CNTNAP2: variants seen among roughly 807,000 people sequenced by gnomAD.
CNTNAP2 encodes the protein contactin-associated protein-like 2.
Under a neutral mutation model 155.2 loss-of-function variants are expected in CNTNAP2, and 98 were observed. The ratio of observed to expected loss-of-function variants is 0.63; its 90% CI spans 0.54 to 0.75. The LOEUF is 0.75. Among genes scored for constraint, CNTNAP2 ranks in the 30% least tolerant of loss-of-function variants. The pLI is 0.00. For synonymous variants in CNTNAP2, 651 were observed against 631.2 expected, an observed-to-expected ratio of 1.03 and a Z score of -0.47; for missense variants, 1,727 against 1,688.1, an observed-to-expected ratio of 1.02 and a Z score of -0.40.
At chr7:146,831,915 C>G (rs1224658598) in intron 2 of CNTNAP2, among the ~76,000 whole-genome samples, 1 of 151,958 alleles carries the variant, frequency 6.6e-6, no homozygotes, top group Non-Finnish European at 1.5e-5. Context: ...AGCTTTCAAG[C>G]TCTTTTGTTT....
At chr7:147,854,608 C>G (rs1301871014) in intron 13 of CNTNAP2, among the ~76,000 whole-genome samples, 2 of 152,224 alleles carry the variant, frequency 1.3e-5, no homozygotes, top group Admixed American at 6.5e-5. Context: ...ATAGTGCAGT[C>G]TAGCCCTGCA....
At chr7:148,320,438 C>A (rs1384628545) in intron 21 of CNTNAP2, among the ~76,000 whole-genome samples, 1 of 127,132 alleles carries the variant, frequency 7.9e-6, no homozygotes, top group Non-Finnish European at 1.6e-5. Flanking sequence ...GGTTGGAGTG[C>A]AGTGGCTCAA....
chr7:146,322,095 C>A (rs1208950835), intron 1 of CNTNAP2, among the ~76,000 whole-genome samples: 2 of 152,084 alleles, frequency 1.3e-5, no homozygotes, highest in African/African-American at 2.4e-5. Flanking sequence ...GCTGTAAGGA[C>A]AAAGGGATCT....
At chr7:146,827,779 C>A (rs1169334418) in intron 2 of CNTNAP2, among the ~76,000 whole-genome samples, 2 of 152,002 alleles carry the variant, frequency 1.3e-5, no homozygotes, top group African/African-American at 4.8e-5. Context: ...ATCTTGATTT[C>A]AATTAGAAAT....
At chr7:147,874,289 G>A (rs1799384693) in intron 13 of CNTNAP2, among the ~76,000 whole-genome samples, 1 of 152,210 alleles carries the variant, frequency 6.6e-6, no homozygotes, top group Non-Finnish European at 1.5e-5. Context: ...TTCTCCATGA[G>A]GGGCCTGTGC....
chr7:147,871,325 G>A (rs17170712), intron 13 of CNTNAP2, among the ~76,000 whole-genome samples: 5,914 of 152,268 alleles, frequency 0.039, 366 homozygotes, highest in African/African-American at 0.14. Flanking sequence ...AAGTCTGTCT[G>A]ACCTGAAGGC....
At chr7:147,630,851 C>T (rs1795075665) in intron 12 of CNTNAP2, among the ~76,000 whole-genome samples, 1 of 152,078 alleles carries the variant, frequency 6.6e-6, no homozygotes, top group South Asian at 2.1e-4. Flanking sequence ...CTATGACAAA[C>T]CCACAGCCAA....
chr7:146,931,882 T>A (rs1456159419), intron 3 of CNTNAP2, among the ~76,000 whole-genome samples: 7 of 151,940 alleles, frequency 4.6e-5, no homozygotes, highest in African/African-American at 1.7e-4. Context: ...CCAAGACTAA[T>A]CCAGGAAGAA....
chr7:146,327,510 CAAATG>C (rs888832457), intron 1 of CNTNAP2, among the ~76,000 whole-genome samples: 21 of 152,134 alleles, frequency 1.4e-4, no homozygotes, highest in Non-Finnish European at 1.8e-4. Context: ...TGAAATACTA[CAAATG>C]AAATTAAAAT....
chr7:146,641,148 A>G (rs1289623640), intron 1 of CNTNAP2, among the ~76,000 whole-genome samples: 1 of 152,110 alleles, frequency 6.6e-6, no homozygotes, highest in Non-Finnish European at 1.5e-5. Context: ...AACACTGTGA[A>G]ACCCCGTCTT....
At chr7:146,708,232 C>T (rs1406345343) in intron 1 of CNTNAP2, among the ~76,000 whole-genome samples, 1 of 152,088 alleles carries the variant, frequency 6.6e-6, no homozygotes, top group Non-Finnish European at 1.5e-5. Context: ...TTGCTGGGCT[C>T]TGCTTGCAGT....
intron 4 of CNTNAP2, among the ~76,000 whole-genome samples, chr7:147,061,459 G>A (rs907551766): frequency 4.7e-5 from 7 of 150,222 alleles, no homozygotes; most frequent in Non-Finnish European, 8.8e-5. Flanking sequence ...CTTCCATCTT[G>A]CTGTTCTTTC....
At chr7:147,468,854 C>T (rs74458951) in intron 10 of CNTNAP2, among the ~76,000 whole-genome samples, 58 of 144,722 alleles carry the variant, frequency 4.0e-4, no homozygotes, top group African/African-American at 1.1e-3. Context: ...TTTTTTTTTT[C>T]CCCCCAGACA....
rs186406099 is a variant in CNTNAP2 at position 148,348,483 on chromosome 7, A to G, written c.3476-35166A>G. Among the ~76,000 whole-genome samples, 361 of 152,346 alleles carry G rather than the reference A, an allele frequency of 2.4e-3. 1 individual carries two copies. The highest frequency in any genetic ancestry group is 8.1e-3 in the African/African-American group (338 of 41,580). ...TCCAGTCTACCTTGGGCAACTTAAC[A>G]TAAATATGGAAAATATAGTTTGTGT... is the stretch of plus-strand genomic sequence containing the variant. On this transcript the variant is annotated intron_variant, in intron 21 of 23. Transcript: ENST00000361727.
intron 3 of CNTNAP2, among the ~76,000 whole-genome samples, chr7:146,905,438 G>A (rs1225701656): frequency 6.6e-6 from 1 of 152,154 alleles, no homozygotes; most frequent in Non-Finnish European, 1.5e-5. Context: ...CTATTTGGAA[G>A]GACTTCCCCT....
rs547124763 is a variant in CNTNAP2 at position 147,535,694 on chromosome 7, A to T, written c.1778-26444A>T. On this transcript the variant is annotated intron_variant, in intron 11 of 23. Transcript: ENST00000361727. ...TGGCTCCTCGGTGTCTCTGTGTAGG[A>T]CTTTCTCCCCACTCAGGCCAAGCTT... Among the ~76,000 whole-genome samples the T allele has an allele frequency of 3.9e-5, 6 of 152,184 alleles. No individual in the cohort carries two copies. In the South Asian group the frequency reaches 1.2e-3, roughly 32 times the overall value.
chr7:146,249,161 A>G (rs999904665), intron 1 of CNTNAP2, among the ~76,000 whole-genome samples: 11 of 152,152 alleles, frequency 7.2e-5, no homozygotes, highest in African/African-American at 2.7e-4. Context: ...GGAACCGGCC[A>G]TCTGGATGTG....
At chr7:148,187,390 G>A (rs371552629) in intron 18 of CNTNAP2, among the ~76,000 whole-genome samples, 18 of 152,170 alleles carry the variant, frequency 1.2e-4, no homozygotes, top group African/African-American at 4.3e-4. Context: ...TGATTTGCAG[G>A]GTAAACACAG....
chr7:147,865,888 A>AT (rs1200049394), intron 13 of CNTNAP2, among the ~76,000 whole-genome samples: 1 of 151,948 alleles, frequency 6.6e-6, no homozygotes, highest in African/African-American at 2.4e-5. Context: ...GGTTTCATTG[A>AT]TTTTTTGAAG....
Sources: allele counts gnomAD v4.1 joint callset (sites outside exome capture counted in the v4.1 genomes callset), GRCh38; gene constraint gnomAD v4.1.1; transcripts MANE v1.5; gene names NCBI Gene and HGNC (gene_info 2026-07-23, HGNC 2026-07-21).